The following TMEM132A variants were observed in gnomAD, a reference collection of about 807,000 sequenced individuals.
The protein encoded by TMEM132A is transmembrane protein 132A, also known as GRP78-binding protein.
In TMEM132A, 48 loss-of-function variants were observed where a neutral mutation model predicts 69.9. The ratio of observed to expected loss-of-function variants is 0.69; its 90% CI spans 0.55 to 0.87. TMEM132A has a LOEUF of 0.87. TMEM132A is among the 40% of genes least tolerant of loss of function. The pLI is 0.00. For missense variants in TMEM132A, 1,287 were observed against 1,407.2 expected (o/e 0.91, Z 1.37); for synonymous variants, 577 against 613.7 (o/e 0.94, Z 0.88).
chr11:60,933,645 G>A lies in TMEM132A; in HGVS notation c.1460G>A (p.Arg487Gln), dbSNP rs143205321. 11 of 1,605,632 alleles carry A rather than the reference G, an allele frequency of 6.9e-6. No homozygotes were observed. The highest frequency in any genetic ancestry group is 6.7e-5 in the African/African-American group (5 of 74,832). The change falls in exon 8 of 11, where the codon CGG (arginine) becomes CAG (glutamine). Residue 487 changes from arginine to glutamine, a missense_variant. Coordinates refer to ENST00000453848, the MANE Select transcript of TMEM132A (RefSeq NM_178031.3). ...FWWRRLRASL[R>Q]LTVWAPLLPL... The stretch of plus-strand genomic sequence containing the variant: ...TGGCGCCGGCTCCGCGCCTCGCTGC[G>A]GCTGACCGTGTGGGCCCCCCTGCTA...
chr11:60,932,172 G>A (rs376899204), intron 7 of TMEM132A, 45 bp downstream of exon 7: 16 of 1,502,858 alleles, frequency 1.1e-5, no homozygotes, highest in Non-Finnish European at 1.3e-5. Flanking sequence ...ATTTGTGTGG[G>A]CACAGTTACG....
rs1226949801 is a variant in TMEM132A, at chr11:60,936,624, G to A, written c.2789G>A (p.Gly930Glu). 8 of 1,572,720 alleles carry A rather than the reference G, an allele frequency of 5.1e-6. No individual in the cohort carries two copies. The highest frequency in any genetic ancestry group is 1.4e-5 in the African/African-American group (1 of 73,958). Reference protein sequence around the residue: ...EGSCPCESGGGGEAPTLAPGP... With the variant: ...EGSCPCESGGEGEAPTLAPGP... Reference sequence around the variant, plus strand: ...AGCTGCCCCTGTGAGAGTGGGGGAGGAGGGGAGGCCCCTACCCTGGCCCCT... The same window carrying A: ...AGCTGCCCCTGTGAGAGTGGGGGAGAAGGGGAGGCCCCTACCCTGGCCCCT... Residue 930 changes from glycine (G) to glutamate (E), a missense_variant, in exon 11 of 11, where the codon GGA (glycine) becomes GAA (glutamate). Transcript: ENST00000453848.
At chr11:60,934,370 A>ATT (rs1856544308) in intron 8 of TMEM132A, 118 bp from the exon 9 acceptor site, 2 of 948,386 alleles carry the variant, frequency 2.1e-6, no homozygotes, top group Non-Finnish European at 2.8e-6. Flanking sequence ...TTTGAGAAAC[A>ATT]GGAGCTGCTG....
At position 60,935,690 on chromosome 11, in the gene TMEM132A, G is replaced by A; in HGVS notation, c.2029-174G>A. On this transcript the variant is annotated intron_variant, in intron 10 of 10. Coordinates refer to ENST00000453848, the MANE Select transcript of TMEM132A (RefSeq NM_178031.3). The surrounding 1 kb of genome is among the most constrained non-coding windows in gnomAD (Gnocchi z 5.0). ...CCAATAACTCAGACCCTAGGGCTGA[G>A]TGGCAGACAGGTGATTGACACGCGT... 1.2e-6 allele frequency: 1 copy of A among 854,284 alleles called. No individual in the cohort carries two copies. The highest frequency in any genetic ancestry group is 1.8e-6 in the Non-Finnish European group (1 of 557,418). The allele number at this position is 854,284 out of a possible 1,614,324, so 52.9% of individuals were successfully genotyped here. A position where few individuals can be genotyped will look rare whatever the true frequency, so the allele number is the denominator to read the frequency against.
Position 60,936,081 on chromosome 11 carries a change from G to T in TMEM132A, c.2246G>T (p.Arg749Leu). 6.2e-7 allele frequency: 1 copy of T among 1,608,564 alleles called. No individual in the cohort carries two copies. The highest frequency in any genetic ancestry group is 8.5e-7 in the Non-Finnish European group (1 of 1,178,108). ...HVALHPPEPCRRGRHRVPLAS... is the reference protein window; with the variant it reads ...HVALHPPEPCLRGRHRVPLAS... ...GCTCTGCACCCGCCCGAGCCCTGCC[G>T]CCGGGGCCGCCACCGTGTGCCTCTG... Residue 749 changes from arginine (R) to leucine (L), a missense_variant, in exon 11 of 11, where the codon CGC becomes CTC. Coordinates refer to ENST00000453848, the MANE Select transcript of TMEM132A (RefSeq NM_178031.3).
rs765373645 is a variant in TMEM132A at position 60,936,286 on chromosome 11, G to A, written c.2451G>A (p.Glu817=). ...GCAAGTTTGAGCGGGCAGAGGAGGA[G>A]GCCAGGAAGGAGGAGACCGAAGCCA... ...VRGKFERAEE[E]ARKEETEARE... is the part of the protein sequence containing the mutation. The change falls in exon 11 of 11, where the codon GAG becomes GAA. Residue 817 remains glutamate (E), a synonymous_variant. Transcript: ENST00000453848. 1.9e-6 allele frequency: 3 copies of A among 1,613,906 alleles called. No individual in the cohort carries two copies. The highest frequency in any genetic ancestry group is 1.1e-5 in the South Asian group (1 of 91,062).
Position 60,936,599 on chromosome 11 carries a change from A to G in TMEM132A, c.2764A>G (p.Ser922Gly), listed in dbSNP as rs1489249006. 6 of 1,590,870 alleles carry G rather than the reference A, an allele frequency of 3.8e-6. No individual in the cohort carries two copies. The highest frequency in any genetic ancestry group is 5.1e-6 in the Non-Finnish European group (6 of 1,168,306). The change falls in exon 11 of 11, where the codon AGC becomes GGC. Residue 922 changes from serine to glycine, a missense_variant. By Grantham distance (56) the Ser-to-Gly change is moderately conservative. Coordinates refer to ENST00000453848, the MANE Select transcript of TMEM132A (RefSeq NM_178031.3). ...QSPGPPKGEG[S>G]CPCESGGGGE... ...CCCTGGCCCGCCCAAGGGGGAGGGG[A>G]GCTGCCCCTGTGAGAGTGGGGGAGG...
chr11:60,935,813 G>A lies in TMEM132A; in HGVS notation c.2029-51G>A. 1 of 1,588,050 alleles carries A rather than the reference G, an allele frequency of 6.3e-7. No individual in the cohort carries two copies. Among genetic ancestry groups the A allele is most frequent in the Non-Finnish European group, 8.6e-7 (1 of 1,167,394 alleles). On this transcript the variant is annotated intron_variant, in intron 10 of 10. Coordinates refer to ENST00000453848, the MANE Select transcript of TMEM132A (RefSeq NM_178031.3). The surrounding 1 kb of genome is among the most constrained non-coding windows in gnomAD (Gnocchi z 5.0). The stretch of plus-strand genomic sequence containing the variant: ...ATCTCTGTGGGAGTGGTTTCTCTGT[G>A]CATGCGTGCGTGCCCTCGCATGTCT...
chr11:60,934,777 G>A lies in TMEM132A; in HGVS notation c.1836+13G>A. 6.3e-7 allele frequency: 1 copy of A among 1,587,104 alleles called. No individual in the cohort carries two copies. The highest frequency in any genetic ancestry group is 1.7e-5 in the Admixed American group (1 of 58,688). ...CACCTCCATTGAGGTAAGCAGCTGG[G>A]GACCAGGAGAGTAGACCCCCTGAGA... On this transcript the variant is annotated intron_variant, in intron 9 of 10. Transcript: ENST00000453848.
At chr11:60,934,039 C>A (rs1228758851) in intron 8 of TMEM132A, 1 of 475,986 alleles carries the variant, frequency 2.1e-6, no homozygotes, top group African/African-American at 2.0e-5. Context: ...ACGCTCCTCC[C>A]CCGAGAATGT....
At position 60,935,213 on chromosome 11, in the gene TMEM132A, A is replaced by G. The variant is rs1284961105; in HGVS notation, c.1837-39A>G. On this transcript the variant is annotated intron_variant, in intron 9 of 10. Coordinates refer to ENST00000453848, the MANE Select transcript of TMEM132A (RefSeq NM_178031.3). This position sits in a 1 kb window ranked among gnomAD's most constrained non-coding sequence, Gnocchi z 5.0. ...TTCCCTCTGGGTGGGGGCTGTCTGT[A>G]TGGAAGGCCCCCCACCTCCAGCTCC... 1.3e-6 allele frequency: 2 copies of G among 1,556,816 alleles called. No homozygotes were observed. The highest frequency in any genetic ancestry group is 8.7e-7 in the Non-Finnish European group (1 of 1,147,104).
At chr11:60,927,176 A>T in intron 1 of TMEM132A, 28 bp from the exon 2 acceptor site, 3 of 1,553,376 alleles carry the variant, frequency 1.9e-6, no homozygotes, top group Non-Finnish European at 2.7e-6. Flanking sequence ...TGGAGCTGTC[A>T]TCATCTCTCC....
chr11:60,934,336 C>T (rs573152180), intron 8 of TMEM132A, 152 bp from the exon 9 acceptor site: 5 of 698,330 alleles, frequency 7.2e-6, no homozygotes, highest in African/African-American at 3.8e-5. Flanking sequence ...AAGGGCCTGA[C>T]CCCAAGAGGG....
intron 1 of TMEM132A, chr11:60,926,178 A>C (rs1856341934): frequency 6.6e-6 from 1 of 152,372 alleles, no homozygotes; most frequent in South Asian, 2.1e-4. Flanking sequence ...AGCAGAGGAG[A>C]GGAGGTGCGC....
At position 60,933,658 on chromosome 11, in the gene TMEM132A, G is replaced by C. The variant is rs1189855790; in HGVS notation, c.1473G>C (p.Trp491Cys). The stretch of plus-strand genomic sequence containing the variant: ...GCGCCTCGCTGCGGCTGACCGTGTG[G>C]GCCCCCCTGCTACCGCTGCGTATCG... ...RLRASLRLTV[W>C]APLLPLRIEL... Residue 491 changes from tryptophan (W) to cysteine (C), a missense_variant, in exon 8 of 11, where the codon TGG (tryptophan) becomes TGC (cysteine). Coordinates refer to ENST00000453848, the MANE Select transcript of TMEM132A (RefSeq NM_178031.3). 4 of 1,605,984 alleles carry C rather than the reference G, an allele frequency of 2.5e-6. No individual in the cohort carries two copies. The highest frequency in any genetic ancestry group is 2.5e-6 in the Non-Finnish European group (3 of 1,179,086).
chr11:60,929,723 T>A (rs917521221), intron 4 of TMEM132A, among the ~76,000 whole-genome samples: 67 of 152,232 alleles, frequency 4.4e-4, no homozygotes, highest in Non-Finnish European at 4.4e-5. Context: ...CTAGACCTAG[T>A]TTCAAGCCCT....
chr11:60,929,386 G>A (rs1239038256), intron 4 of TMEM132A, among the ~76,000 whole-genome samples: 3 of 152,176 alleles, frequency 2.0e-5, no homozygotes, highest in African/African-American at 2.4e-5. Context: ...CACCCTCGCC[G>A]TAGGAGTCTA....
chr11:60,936,291 G>A lies in TMEM132A; in HGVS notation c.2456G>A (p.Arg819Lys). 1 of 1,613,876 alleles carries A rather than the reference G, an allele frequency of 6.2e-7. No individual in the cohort carries two copies. Among genetic ancestry groups the A allele is most frequent in the Non-Finnish European group, 8.5e-7 (1 of 1,179,804 alleles). ...TTTGAGCGGGCAGAGGAGGAGGCCAGGAAGGAGGAGACCGAAGCCAGGGAG... is the reference window on the plus strand; with the variant it reads ...TTTGAGCGGGCAGAGGAGGAGGCCAAGAAGGAGGAGACCGAAGCCAGGGAG... ...GKFERAEEEA[R>K]KEETEAREEE... The change falls in exon 11 of 11, where the codon AGG becomes AAG. Residue 819 changes from arginine to lysine, a missense_variant. Physicochemically the swap from Arg to Lys is conservative, Grantham distance 26. Coordinates refer to ENST00000453848, the MANE Select transcript of TMEM132A (RefSeq NM_178031.3).
At chr11:60,926,646 GC>G (rs1341868422) in intron 1 of TMEM132A, 2 of 172,042 alleles carry the variant, frequency 1.2e-5, no homozygotes, top group African/African-American at 2.4e-5. Context: ...CACCTTCCGC[GC>G]CCGCCCATCC....
Sources: gnomAD v4.1 joint callset for allele counts (sites outside exome capture counted in the v4.1 genomes callset) on GRCh38, gnomAD v4.1.1 for gene constraint, Gnocchi (gnomAD v3.1) non-coding constraint, MANE v1.5 for transcripts, NCBI Gene and HGNC (gene_info 2026-07-23, HGNC 2026-07-21) for gene names.